Variants in NOC2L observed in about 807,000 individuals in gnomAD.
The protein encoded by NOC2L is NOC2 like nucleolar associated transcriptional repressor, also known as nucleolar complex protein 2 homolog.
In NOC2L, 101 loss-of-function variants were observed where a neutral mutation model predicts 94.2. The ratio of observed to expected loss-of-function variants is 1.07; its 90% CI spans 0.91 to 1.26. The LOEUF (loss-of-function observed/expected upper bound fraction) is 1.26, where lower values mean the gene tolerates loss of function less well. Ranked by LOEUF, NOC2L falls within the 50% of genes most tolerant of loss-of-function variation. The pLI, the probability that NOC2L is intolerant of heterozygous loss-of-function variation, is 0.00. For missense variants in NOC2L, 1,076 were observed against 980.1 expected (o/e 1.10, Z -1.31); for synonymous variants, 531 against 413.4 (o/e 1.28, Z -3.45).
intron 11 of NOC2L, among the ~76,000 whole-genome samples, chr1:951,518 A>G (rs1187813919): frequency 6.6e-6 from 1 of 150,958 alleles, no homozygotes; most frequent in Non-Finnish European, 1.5e-5. Context: ...TGGACTTCCC[A>G]CCTCCCTTCC....
At chr1:956,519 G>A (rs1344312815) in intron 4 of NOC2L, among the ~76,000 whole-genome samples, 2 of 152,136 alleles carry the variant, frequency 1.3e-5, no homozygotes, top group Non-Finnish European at 2.9e-5. Context: ...AAAAAACACT[G>A]TGAGAGGCTC....
chr1:956,274 G>T (rs1569954251), intron 4 of NOC2L, 59 bp from the exon 5 acceptor site: 1 of 1,598,434 alleles, frequency 6.3e-7, no homozygotes, highest in Non-Finnish European at 8.5e-7. Flanking sequence ...TGGCAGAGTG[G>T]AAACGGCAGC....
intron 14 of NOC2L, chr1:947,041 A>C (rs1349663884): frequency 6.2e-6 from 1 of 161,500 alleles, no homozygotes; most frequent in South Asian, 1.8e-4. Flanking sequence ...TGGGCAACAC[A>C]GCGAGACTCC....
chr1:958,297 G>A (rs559675205), intron 2 of NOC2L: 34 of 187,546 alleles, frequency 1.8e-4, no homozygotes, highest in African/African-American at 4.3e-4. Flanking sequence ...CTCTCACCCA[G>A]GCTGGAATGC....
intron 12 of NOC2L, 21 bp downstream of exon 12, chr1:951,105 CG>C (rs1557619086): frequency 1.3e-6 from 2 of 1,519,042 alleles, no homozygotes; most frequent in Admixed American, 1.9e-5. Context: ...AGGTGCCACA[CG>C]CCCACCACAG....
rs370000397 is a variant in NOC2L at position 952,025 on chromosome 1, C to G, written c.1306G>C (p.Ala436Pro). ...EALQPLVYPL[A>P]QVIIGCIKLI... ...TTGATACAGCCAATGATGACTTGGG[C>G]AAGGGGGTAGACCAAGGGCTGGAGG... is the stretch of plus-strand genomic sequence containing the variant. Residue 436 changes from alanine to proline, a missense_variant, in exon 11 of 19, where the codon GCC becomes CCC. By Grantham distance (27) the Ala-to-Pro change is conservative. Around this residue, in one of 3 missense-constraint regions of NOC2L, gnomAD observed 615 missense variants for 577.4 expected, o/e 1.07. Coordinates refer to ENST00000327044, the MANE Select transcript of NOC2L (RefSeq NM_015658.4). The G allele has an allele frequency of 1.7e-5, 27 of 1,613,062 alleles. No individual in the cohort carries two copies. Among genetic ancestry groups the G allele is most frequent in the Non-Finnish European group, 2.2e-5 (26 of 1,179,572 alleles).
At chr1:946,050 C>T (rs184109594) in intron 16 of NOC2L, 123 bp downstream of exon 16, 15 of 734,666 alleles carry the variant, frequency 2.0e-5, no homozygotes, top group South Asian at 3.5e-5. Context: ...TCGAATCATC[C>T]GGGCACGGCC....
chr1:954,074 T>A lies in NOC2L; in HGVS notation c.707A>T (p.Gln236Leu). The change falls in exon 7 of 19, where the codon CAG becomes CTG. Residue 236 changes from glutamine (Q) to leucine (L), a missense_variant. Transcript: ENST00000327044. The stretch of plus-strand genomic sequence containing the variant: ...CCCCCAGAGCGGGCTGCTGGACGGC[T>A]GCAGCATCCTGCAGAGAGACCACCC... ...KVAKDSSRML[Q>L]PSSSPLWGKL... 1 of 1,611,016 alleles carries A rather than the reference T, an allele frequency of 6.2e-7. No homozygotes were observed. The highest frequency in any genetic ancestry group is 8.5e-7 in the Non-Finnish European group (1 of 1,178,386).
Position 945,261 on chromosome 1 carries a change from C to T in NOC2L, c.2054-115G>A, listed in dbSNP as rs1642069958. On this transcript the variant is annotated intron_variant, in intron 17 of 18. Coordinates refer to ENST00000327044, the MANE Select transcript of NOC2L (RefSeq NM_015658.4). ...CAACACCCTTCCCTCCGCTGACTTCCAGCAGGTGGAGAGGAGCCCTGGGGA... is the reference window on the plus strand; with the variant it reads ...CAACACCCTTCCCTCCGCTGACTTCTAGCAGGTGGAGAGGAGCCCTGGGGA... The T allele has an allele frequency of 4.1e-6, 5 of 1,231,210 alleles. 1 individual carries two copies. In the South Asian group the frequency reaches 4.5e-5, roughly 11 times the overall value. The allele number at this position is 1,231,210 out of a possible 1,614,324, so 76.3% of individuals were successfully genotyped here. A position where few individuals can be genotyped will look rare whatever the true frequency, so the allele number is the denominator to read the frequency against.
intron 8 of NOC2L, among the ~76,000 whole-genome samples, 186 bp downstream of exon 8, chr1:953,596 G>T (rs1044510620): frequency 6.6e-6 from 1 of 152,266 alleles, no homozygotes; most frequent in African/African-American, 2.4e-5. Context: ...CGGGCAGGCA[G>T]GGACTGCCTG....
intron 4 of NOC2L, 140 bp downstream of exon 4, chr1:956,754 C>T: frequency 1.6e-6 from 2 of 1,238,694 alleles, no homozygotes; most frequent in South Asian, 1.3e-5. Flanking sequence ...ACCAGCACAG[C>T]CTCAGGCGCC....
Position 946,293 on chromosome 1 carries a change from G to A in NOC2L, c.1804-7C>T. On this transcript the variant is annotated splice_region_variant and splice_polypyrimidine_tract_variant and intron_variant, in intron 15 of 18. Transcript: ENST00000327044. The stretch of plus-strand genomic sequence containing the variant: ...TCAGCTTCTCCCAGGCTTCCTGGGG[G>A]GTTGGGGGAGTTCAGGGTCATGCCT... 6.2e-7 allele frequency: 1 copy of A among 1,612,814 alleles called. No homozygotes were observed. Among genetic ancestry groups the A allele is most frequent in the Non-Finnish European group, 8.5e-7 (1 of 1,179,150 alleles).
At chr1:951,872 TC>T (rs34756866) in intron 11 of NOC2L, 127 bp downstream of exon 11, 1 of 1,076,118 alleles carries the variant, frequency 9.3e-7, no homozygotes, top group Non-Finnish European at 1.3e-6. Flanking sequence ...CCCCAGCCCT[TC>T]CTCAGGGACG....
At chr1:957,462 C>A in intron 2 of NOC2L, 189 bp from the exon 3 acceptor site, 1 of 603,790 alleles carries the variant, frequency 1.7e-6, no homozygotes. Context: ...AAACACACTA[C>A]ACAGGCCCCC....
At chr1:959,105 G>A (rs747883578) in intron 1 of NOC2L, 24 bp from the exon 2 acceptor site, 9 of 1,610,102 alleles carry the variant, frequency 5.6e-6, no homozygotes, top group Non-Finnish European at 6.8e-6. Context: ...AGGAGTCACA[G>A]CTGCCCGCAC....
Position 959,086 on chromosome 1 carries a change from G to T in NOC2L, c.27-5C>A, listed in dbSNP as rs757270722. 2 of 1,608,748 alleles carry T rather than the reference G, an allele frequency of 1.2e-6. No homozygotes were observed. Among genetic ancestry groups the T allele is most frequent in the Non-Finnish European group, 1.7e-6 (2 of 1,177,116 alleles). On this transcript the variant is annotated splice_polypyrimidine_tract_variant and splice_region_variant and intron_variant, in intron 1 of 18. Transcript: ENST00000327044. ...ACCGTCAGCTCCGCCAGGCGCCTGC[G>T]GGTCACGCAGGAGTCACAGCTGCCC...
chr1:945,630 C>T lies in NOC2L; in HGVS notation c.1941G>A (p.Glu647=), dbSNP rs368403481. 1 of 1,614,194 alleles carries T rather than the reference C, an allele frequency of 6.2e-7. No individual in the cohort carries two copies. The highest frequency in any genetic ancestry group is 8.5e-7 in the Non-Finnish European group (1 of 1,180,014). The change falls in exon 17 of 19, where the codon GAG becomes GAA. Residue 647 remains glutamate (E), a synonymous_variant. Transcript: ENST00000327044. ...TGTCAGCCATCTTCCTTCGTTTGATCTCAGGGAAGTTCAGGTCTTCCAGCT... is the reference window on the plus strand; with the variant it reads ...TGTCAGCCATCTTCCTTCGTTTGATTTCAGGGAAGTTCAGGTCTTCCAGCT... ...KERLEDLNFP[E]IKRRKMADRK...
rs1642285948 is a variant in NOC2L, at chr1:952,464, T to A, written c.1139A>T (p.Tyr380Phe). ...PGVAYQHAFL[Y>F]IRQLAIHLRN... Reference sequence around the variant, plus strand: ...CAGGTGTATGGCGAGCTGGCGGATGTAGAGGAAGGCGTGCTGGTAGGCCAC... The same window carrying A: ...CAGGTGTATGGCGAGCTGGCGGATGAAGAGGAAGGCGTGCTGGTAGGCCAC... The change falls in exon 10 of 19, where the codon TAC becomes TTC. Residue 380 changes from tyrosine to phenylalanine, a missense_variant. This residue lies in a region of NOC2L where 615 missense variants were observed against 577.4 expected (regional missense o/e 1.07). Transcript: ENST00000327044. 1 of 1,613,612 alleles carries A rather than the reference T, an allele frequency of 6.2e-7. No individual in the cohort carries two copies. Among genetic ancestry groups the A allele is most frequent in the African/African-American group, 1.3e-5 (1 of 74,878 alleles).
In NOC2L at chr1:958,758, G is replaced by C. The variant is rs777172455; in HGVS notation, c.179+171C>G. The stretch of plus-strand genomic sequence containing the variant: ...CCTGCCTAGGACAGAGTTTGGCACG[G>C]AACAGGAGCTCAGTAAACATCGGAT... On this transcript the variant is annotated intron_variant, in intron 2 of 18. Coordinates refer to ENST00000327044, the MANE Select transcript of NOC2L (RefSeq NM_015658.4). The C allele has an allele frequency of 2.5e-5, 19 of 751,820 alleles. No homozygotes were observed. The Admixed American group carries it at 3.8e-4, about 15-fold the overall frequency. 46.6% of individuals were successfully genotyped at this position (751,820 alleles called of 1,614,324 possible). A position where few individuals can be genotyped will look rare whatever the true frequency, so the allele number is the denominator to read the frequency against.
Sources: allele counts gnomAD v4.1 joint callset (sites outside exome capture counted in the v4.1 genomes callset), GRCh38; gene constraint gnomAD v4.1.1; regional missense constraint gnomAD v4.1.1; transcripts MANE v1.5; gene names NCBI Gene and HGNC (gene_info 2026-07-23, HGNC 2026-07-21).